RTN4RL1: variants seen among roughly 807,000 people sequenced by gnomAD.
The protein encoded by RTN4RL1 is reticulon 4 receptor like 1, also known as reticulon-4 receptor-like 1.
Under a neutral mutation model 25.6 loss-of-function variants are expected in RTN4RL1, and 7 were observed. The ratio of observed to expected loss-of-function variants is 0.27; its 90% CI spans 0.16 to 0.51. The LOEUF (loss-of-function observed/expected upper bound fraction) is 0.51. RTN4RL1 is among the 20% of genes least tolerant of loss of function. The pLI is 0.97. For synonymous variants in RTN4RL1, 297 were observed against 288.2 expected (o/e 1.03, Z -0.31); for missense variants, 500 against 615.6 (o/e 0.81, Z 1.99).
chr17:1,978,134 G>T (rs2066851334), intron 1 of RTN4RL1, among the ~76,000 whole-genome samples: 1 of 152,354 alleles, frequency 6.6e-6, no homozygotes, highest in East Asian at 1.9e-4. Flanking sequence ...GCCTGTGGGG[G>T]TCAAGGTTGG....
intron 1 of RTN4RL1, among the ~76,000 whole-genome samples, chr17:2,011,210 C>A (rs1328422241): frequency 6.6e-6 from 1 of 152,144 alleles, no homozygotes; most frequent in Non-Finnish European, 1.5e-5. Flanking sequence ...AAGATCGCGC[C>A]ATTGCACTCC....
Position 1,967,379 on chromosome 17 carries a change from TC to T in RTN4RL1, c.14-29572del, listed in dbSNP as rs774318749. Among the ~76,000 whole-genome samples, 58 of 151,760 alleles carry T rather than the reference TC, an allele frequency of 3.8e-4. No homozygotes were observed. The Middle Eastern group carries it at 0.01, about 27-fold the overall frequency. Reference sequence around the variant, plus strand: ...AGATGGCCCCCTCAGCATCCTCAGCTCCCCGCCCCCGCTACCCACCACGCCT... The same window carrying T: ...AGATGGCCCCCTCAGCATCCTCAGCTCCCGCCCCCGCTACCCACCACGCCT... On this transcript the variant is annotated intron_variant, in intron 1 of 1. Transcript: ENST00000331238.
intron 1 of RTN4RL1, among the ~76,000 whole-genome samples, chr17:2,007,675 G>A (rs1447056320): frequency 6.6e-6 from 1 of 152,230 alleles, no homozygotes; most frequent in East Asian, 1.9e-4. Flanking sequence ...GCTGGGCACA[G>A]TGGCTCACGC....
At position 1,960,841 on chromosome 17, in the gene RTN4RL1, G is replaced by C. The variant is rs527664065; in HGVS notation, c.14-23033C>G. Among the ~76,000 whole-genome samples, 154 of 152,120 alleles carry C rather than the reference G, an allele frequency of 1.0e-3. 1 individual carries two copies. The highest frequency in any genetic ancestry group is 1.3e-4 in the Non-Finnish European group (9 of 68,008). Reference sequence around the variant, plus strand: ...GAGTTTTCACACTGACGGTTCCCACGGGGCCCTCTCTGCCCCAGGCCTTTG... The same window carrying C: ...GAGTTTTCACACTGACGGTTCCCACCGGGCCCTCTCTGCCCCAGGCCTTTG... On this transcript the variant is annotated intron_variant, in intron 1 of 1. Coordinates refer to ENST00000331238, the MANE Select transcript of RTN4RL1 (RefSeq NM_178568.4).
chr17:1,974,613 G>C (rs147565595), intron 1 of RTN4RL1, among the ~76,000 whole-genome samples: 1 of 151,964 alleles, frequency 6.6e-6, no homozygotes, highest in Non-Finnish European at 1.5e-5. Flanking sequence ...GGTCTGAAAG[G>C]GTAAAGAAAG....
Position 1,937,324 on chromosome 17 carries a change from G to A in RTN4RL1, c.498C>T (p.Asp166=), listed in dbSNP as rs367650638. 4.8e-5 allele frequency: 78 copies of A among 1,613,538 alleles called. 1 individual carries two copies. The highest frequency in any genetic ancestry group is 5.0e-5 in the Non-Finnish European group (59 of 1,179,880). Residue 166 remains aspartate, a synonymous_variant, in exon 2 of 2, where the codon GAC becomes GAT. Coordinates refer to ENST00000331238, the MANE Select transcript of RTN4RL1 (RefSeq NM_178568.4). ...GGTTGACCAGGTCCACGAAGATGTC[G>A]TCCTGGAGGTACTCGATGTGGTTGT... The part of the protein sequence containing the change: ...LQDNHIEYLQ[D]DIFVDLVNLS...
intron 1 of RTN4RL1, among the ~76,000 whole-genome samples, chr17:1,961,867 G>T (rs1282638002): frequency 6.8e-6 from 1 of 147,678 alleles, no homozygotes. Flanking sequence ...AGAATCGCTC[G>T]AACCCGGGAG....
chr17:2,000,436 G>C (rs1195432495), intron 1 of RTN4RL1, among the ~76,000 whole-genome samples: 1 of 152,104 alleles, frequency 6.6e-6, no homozygotes, highest in East Asian at 1.9e-4. Context: ...TCCACCTCCT[G>C]GGTTCTAGCG....
At chr17:2,014,208 G>T (rs932266088) in intron 1 of RTN4RL1, among the ~76,000 whole-genome samples, 13 of 152,216 alleles carry the variant, frequency 8.5e-5, no homozygotes, top group African/African-American at 3.1e-4. Flanking sequence ...AACTTGGACA[G>T]GCCAACCCTG....
rs1004463875 is a variant in RTN4RL1, at chr17:1,998,628, C to T, written c.13+26225G>A. On this transcript the variant is annotated intron_variant, in intron 1 of 1. Coordinates refer to ENST00000331238, the MANE Select transcript of RTN4RL1 (RefSeq NM_178568.4). This position sits in a 1 kb window ranked among gnomAD's most constrained non-coding sequence, Gnocchi z 4.9. ...TGGGGGACGTGGGGCCGGCTCGCCT[C>T]CTCCTGGGCTCGCCGGGATGTGGCC... Among the ~76,000 whole-genome samples, 1 of 152,066 alleles carries T rather than the reference C, an allele frequency of 6.6e-6. No individual in the cohort carries two copies. The highest frequency in any genetic ancestry group is 1.5e-5 in the Non-Finnish European group (1 of 67,972).
At chr17:1,971,728 A>C (rs1327321111) in intron 1 of RTN4RL1, among the ~76,000 whole-genome samples, 6 of 151,956 alleles carry the variant, frequency 3.9e-5, no homozygotes, top group Non-Finnish European at 7.4e-5. Context: ...TTTGGGGGGC[A>C]GAGGCGGGTG....
At position 2,025,111 on chromosome 17, in the gene RTN4RL1, C is replaced by T. The variant is rs2067254629; in HGVS notation, c.-246G>A. Reference sequence around the variant, plus strand: ...GCAGCCCCGCGCGCTTGCTCAGCCCCGGGGCGAGCGGCTTGCTCCGCGGAG... The same window carrying T: ...GCAGCCCCGCGCGCTTGCTCAGCCCTGGGGCGAGCGGCTTGCTCCGCGGAG... On this transcript the variant is annotated 5_prime_UTR_variant, in exon 1 of 2. Coordinates refer to ENST00000331238, the MANE Select transcript of RTN4RL1 (RefSeq NM_178568.4). The surrounding 1 kb of genome is among the most constrained non-coding windows in gnomAD (Gnocchi z 4.8). 2.9e-6 allele frequency: 1 copy of T among 350,148 alleles called. No individual in the cohort carries two copies. Among genetic ancestry groups the T allele is most frequent in the Non-Finnish European group, 5.1e-6 (1 of 195,530 alleles). The allele number at this position is 350,148 out of a possible 1,614,324, so 21.7% of individuals were successfully genotyped here. A position where few individuals can be genotyped will look rare whatever the true frequency, so the allele number is the denominator to read the frequency against.
At chr17:1,952,245 C>G (rs1427620734) in intron 1 of RTN4RL1, among the ~76,000 whole-genome samples, 2 of 151,996 alleles carry the variant, frequency 1.3e-5, no homozygotes, top group African/African-American at 4.8e-5. Context: ...CTGTGAGCAC[C>G]CAGAGACCAC....
At chr17:1,981,211 T>C (rs2066865912) in intron 1 of RTN4RL1, among the ~76,000 whole-genome samples, 1 of 151,826 alleles carries the variant, frequency 6.6e-6, no homozygotes, top group South Asian at 2.1e-4. Flanking sequence ...GGAGACTCCG[T>C]CCCTACAAAA....
At chr17:1,968,302 C>G (rs2066801923) in intron 1 of RTN4RL1, among the ~76,000 whole-genome samples, 1 of 152,188 alleles carries the variant, frequency 6.6e-6, no homozygotes, top group Non-Finnish European at 1.5e-5. Flanking sequence ...TCAGTGACTA[C>G]CACCGCCTCC....
intron 1 of RTN4RL1, among the ~76,000 whole-genome samples, chr17:1,985,800 G>C (rs927576817): frequency 2.0e-5 from 3 of 152,120 alleles, no homozygotes; most frequent in African/African-American, 7.2e-5. Flanking sequence ...ATAGGATGCT[G>C]ATGGGATCTC....
At chr17:1,939,579 G>A (rs1915398408) in intron 1 of RTN4RL1, among the ~76,000 whole-genome samples, 1 of 152,086 alleles carries the variant, frequency 6.6e-6, no homozygotes. Flanking sequence ...ACCAGGCCTT[G>A]CCTCTCGACT....
At chr17:1,939,233 G>C (rs955758250) in intron 1 of RTN4RL1, among the ~76,000 whole-genome samples, 3 of 149,526 alleles carry the variant, frequency 2.0e-5, no homozygotes, top group African/African-American at 5.0e-5. Context: ...CGCACTTGTA[G>C]TCCCAGCTAC....
chr17:1,985,672 A>G (rs891031732), intron 1 of RTN4RL1, among the ~76,000 whole-genome samples: 3 of 152,162 alleles, frequency 2.0e-5, no homozygotes, highest in Non-Finnish European at 1.5e-5. Context: ...AGAGATAAAA[A>G]TTACATTGTC....
Sources: allele counts gnomAD v4.1 joint callset (sites outside exome capture counted in the v4.1 genomes callset), GRCh38; gene constraint gnomAD v4.1.1; non-coding constraint Gnocchi (gnomAD v3.1); transcripts MANE v1.5; gene names NCBI Gene and HGNC (gene_info 2026-07-23, HGNC 2026-07-21).